ZC3H12A: variants seen among roughly 807,000 people sequenced by gnomAD.
ZC3H12A encodes the protein zinc finger CCCH-type containing 12A.
ZC3H12A carries 9 observed loss-of-function variants against 29.9 expected under a neutral mutation model. That is an observed-to-expected ratio of 0.30 (90% CI 0.18 to 0.53). The LOEUF is 0.53. Among genes scored for constraint, ZC3H12A ranks in the 20% least tolerant of loss-of-function variants. The probability of loss-of-function intolerance (pLI) is 0.96; values close to 1 mark genes in which losing one functional copy is unlikely to be tolerated. For missense variants in ZC3H12A, 617 were observed against 799.0 expected (o/e 0.77, Z 2.75); for synonymous variants, 323 against 338.1 (o/e 0.96, Z 0.49).
intron 3 of ZC3H12A, among the ~76,000 whole-genome samples, chr1:37,481,199 C>A (rs1192797996): frequency 6.6e-6 from 1 of 152,212 alleles, no homozygotes; most frequent in Non-Finnish European, 1.5e-5. Context: ...CCTGGCAATG[C>A]AAGGGACAGA....
chr1:37,481,669 G>A lies in ZC3H12A; in HGVS notation c.652G>A (p.Gly218Ser), dbSNP rs576508646. Residue 218 changes from glycine (G) to serine (S), a missense_variant, in exon 4 of 6, where the codon GGC becomes AGC. Gly to Ser is a moderately conservative substitution (Grantham distance 56). Transcript: ENST00000373087. ...LVFTPSRRVGGKRVVCYDDRF... is the reference protein window; with the variant it reads ...LVFTPSRRVGSKRVVCYDDRF... ...GTTCACACCATCACGACGCGTGGGTGGCAAGCGGGTGGTGTGCTATGACGA... is the reference window on the plus strand; with the variant it reads ...GTTCACACCATCACGACGCGTGGGTAGCAAGCGGGTGGTGTGCTATGACGA... 133 of 1,614,268 alleles carry A rather than the reference G, an allele frequency of 8.2e-5. 1 individual carries two copies. In the South Asian group the frequency reaches 1.4e-3, roughly 18 times the overall value.
chr1:37,476,126 G>T lies in ZC3H12A; in HGVS notation c.443+187G>T, dbSNP rs555548240. On this transcript the variant is annotated intron_variant, in intron 2 of 5. Coordinates refer to ENST00000373087, the MANE Select transcript of ZC3H12A (RefSeq NM_025079.3). The surrounding 1 kb of genome is among the most constrained non-coding windows in gnomAD (Gnocchi z 6.0). ...GTCGCGCTACTGGTAAGTGACAGAG[G>T]CAGGGTTCCAGCCCAGGTCCCTCTG... 3.9e-5 allele frequency among the ~76,000 whole-genome samples: 6 copies of T among 152,170 alleles called. No homozygotes were observed. The highest frequency in any genetic ancestry group is 8.8e-5 in the Non-Finnish European group (6 of 68,028).
At chr1:37,482,394 A>C in intron 4 of ZC3H12A, 40 bp from the exon 5 acceptor site, 1 of 1,549,950 alleles carries the variant, frequency 6.5e-7, no homozygotes, top group South Asian at 1.2e-5. Flanking sequence ...AAGTCCCTGC[A>C]TGGCTCCCAC....
Position 37,479,949 on chromosome 1 carries a change from T to A in ZC3H12A, c.444-341T>A, listed in dbSNP as rs1201376189. ...AGGTGTGTTGCAAGTGGCCTGGCCC[T>A]CCCCCACCGTGGGGAGCAGTGCTGC... On this transcript the variant is annotated intron_variant, in intron 2 of 5. Coordinates refer to ENST00000373087, the MANE Select transcript of ZC3H12A (RefSeq NM_025079.3). The surrounding 1 kb of genome is among the most constrained non-coding windows in gnomAD (Gnocchi z 4.5). 9.4e-7 allele frequency: 1 copy of A among 1,059,388 alleles called. No homozygotes were observed. The highest frequency in any genetic ancestry group is 1.1e-6 in the Non-Finnish European group (1 of 874,952). The allele number at this position is 1,059,388 out of a possible 1,614,324, so 65.6% of individuals were successfully genotyped here. A position where few individuals can be genotyped will look rare whatever the true frequency, so the allele number is the denominator to read the frequency against.
Position 37,480,449 on chromosome 1 carries a change from G to A in ZC3H12A, c.583+20G>A, listed in dbSNP as rs1641680514. On this transcript the variant is annotated intron_variant, in intron 3 of 5. Coordinates refer to ENST00000373087, the MANE Select transcript of ZC3H12A (RefSeq NM_025079.3). ...TCACAGGTGAGTGGTGCCTCTGGAGGTGGGATGGTCTTACTGCCCCAGCAG... is the reference window on the plus strand; with the variant it reads ...TCACAGGTGAGTGGTGCCTCTGGAGATGGGATGGTCTTACTGCCCCAGCAG... 1.2e-6 allele frequency: 2 copies of A among 1,605,968 alleles called. No individual in the cohort carries two copies. The highest frequency in any genetic ancestry group is 1.7e-6 in the Non-Finnish European group (2 of 1,175,044).
rs370210827 is a variant in ZC3H12A, at chr1:37,479,640, G to T, written c.444-650G>T. 1 of 985,266 alleles carries T rather than the reference G, an allele frequency of 1.0e-6. No homozygotes were observed. Among genetic ancestry groups the T allele is most frequent in the Admixed American group, 6.2e-5 (1 of 16,252 alleles). The allele number at this position is 985,266 out of a possible 1,614,324, so 61.0% of individuals were successfully genotyped here. On this transcript the variant is annotated intron_variant, in intron 2 of 5. Coordinates refer to ENST00000373087, the MANE Select transcript of ZC3H12A (RefSeq NM_025079.3). The surrounding 1 kb of genome is among the most constrained non-coding windows in gnomAD (Gnocchi z 4.5). ...GCTCCTGGGGAACTTGCTTCACTCC[G>T]GCGCTTTCTGTCCCATGCTGAAGGC...
In ZC3H12A at chr1:37,482,912, G is replaced by C; in HGVS notation, c.1101G>C (p.Leu367=). The C allele has an allele frequency of 6.2e-7, 1 of 1,613,780 alleles. No homozygotes were observed. ...CACCTTCATCCCAGTCCAGCTCTCT[G>C]CTAACAGAGAGTGAGCAGTGCAGCC... is the stretch of plus-strand genomic sequence containing the variant. ...RPSPSSQSSS[L]LTESEQCSLD... is the part of the protein sequence containing the mutation. The change falls in exon 6 of 6, where the codon CTG becomes CTC. Residue 367 remains leucine (L), a synonymous_variant. Coordinates refer to ENST00000373087, the MANE Select transcript of ZC3H12A (RefSeq NM_025079.3).
In ZC3H12A at chr1:37,483,508, C is replaced by A. The variant is rs1375136881; in HGVS notation, c.1697C>A (p.Pro566Gln). 2.5e-6 allele frequency: 4 copies of A among 1,613,810 alleles called. No individual in the cohort carries two copies. The highest frequency in any genetic ancestry group is 1.7e-5 in the Admixed American group (1 of 60,010). ...VYTKLCGVFP[P>Q]HLVEAVMGRF... ...ACTAAGCTGTGTGGTGTGTTTCCCC[C>A]GCACCTGGTGGAGGCTGTGATGGGG... Residue 566 changes from proline (P) to glutamine (Q), a missense_variant, in exon 6 of 6, where the codon CCG (proline) becomes CAG (glutamine). Coordinates refer to ENST00000373087, the MANE Select transcript of ZC3H12A (RefSeq NM_025079.3).
chr1:37,482,250 G>A (rs762094356), intron 4 of ZC3H12A, 184 bp from the exon 5 acceptor site: 9 of 610,060 alleles, frequency 1.5e-5, no homozygotes, highest in Non-Finnish European at 2.0e-5. Flanking sequence ...CTAGACCGGG[G>A]ATCCCTTTCT....
At position 37,475,313 on chromosome 1, in the gene ZC3H12A, C is replaced by A; in HGVS notation, c.-38-146C>A. 1 of 650,770 alleles carries A rather than the reference C, an allele frequency of 1.5e-6. No homozygotes were observed. Among genetic ancestry groups the A allele is most frequent in the Non-Finnish European group, 2.6e-6 (1 of 384,662 alleles). The allele number at this position is 650,770 out of a possible 1,614,324, so 40.3% of individuals were successfully genotyped here. On this transcript the variant is annotated intron_variant, in intron 1 of 5. Transcript: ENST00000373087. This position sits in a 1 kb window ranked among gnomAD's most constrained non-coding sequence, Gnocchi z 5.2. The stretch of plus-strand genomic sequence containing the variant: ...ATAGAATGGGAATGGGAATGCCTAG[C>A]TGGGAGAGCTTTTGAGAGGACAACC...
rs746760598 is a variant in ZC3H12A at position 37,481,624 on chromosome 1, GAGA to G, written c.617_619del (p.Lys206del). On this transcript the variant is annotated inframe_deletion, in exon 4 of 6. Transcript: ENST00000373087. Reference sequence around the variant, plus strand: ...AGACCAGCACATCCTGCGGGAACTGGAGAAGAAGAAGATCCTGGTGTTCACACC... The same window carrying G: ...AGACCAGCACATCCTGCGGGAACTGGAGAAGAAGATCCTGGTGTTCACACC... 7.4e-6 allele frequency: 12 copies of G among 1,614,110 alleles called. No individual in the cohort carries two copies. The highest frequency in any genetic ancestry group is 1.1e-5 in the South Asian group (1 of 91,086).
chr1:37,484,303 T>C lies in ZC3H12A; in HGVS notation c.*692T>C, dbSNP rs1641782768. 1 of 152,222 alleles carries C rather than the reference T, an allele frequency of 6.6e-6. No individual in the cohort carries two copies. The allele number at this position is 152,222 out of a possible 1,614,324, so 9.4% of individuals were successfully genotyped here. ...TGTTTGTTTGTGTGCACATGTAAAT[T>C]TTAAATATTTTAAGCAGAAAGTCCT... On this transcript the variant is annotated 3_prime_UTR_variant, in exon 6 of 6. Coordinates refer to ENST00000373087, the MANE Select transcript of ZC3H12A (RefSeq NM_025079.3).
At position 37,483,754 on chromosome 1, in the gene ZC3H12A, C is replaced by A; in HGVS notation, c.*143C>A. ...GAGGATTCAAGTCGGGAAGGAAACCCACAAACCAAAGATACTGTAGGATTG... is the reference window on the plus strand; with the variant it reads ...GAGGATTCAAGTCGGGAAGGAAACCAACAAACCAAAGATACTGTAGGATTG... On this transcript the variant is annotated 3_prime_UTR_variant, in exon 6 of 6. Transcript: ENST00000373087. 8.7e-7 allele frequency: 1 copy of A among 1,147,304 alleles called. No homozygotes were observed. Among genetic ancestry groups the A allele is most frequent in the Non-Finnish European group, 1.2e-6 (1 of 835,620 alleles). The allele number at this position is 1,147,304 out of a possible 1,614,324, so 71.1% of individuals were successfully genotyped here. A position where few individuals can be genotyped will look rare whatever the true frequency, so the allele number is the denominator to read the frequency against.
chr1:37,476,009 A>T lies in ZC3H12A; in HGVS notation c.443+70A>T. 1 of 1,396,484 alleles carries T rather than the reference A, an allele frequency of 7.2e-7. No individual in the cohort carries two copies. The highest frequency in any genetic ancestry group is 2.5e-5 in the East Asian group (1 of 40,596). The allele number at this position is 1,396,484 out of a possible 1,614,324, so 86.5% of individuals were successfully genotyped here. A position where few individuals can be genotyped will look rare whatever the true frequency, so the allele number is the denominator to read the frequency against. ...TCCTGTGGCCAGGACACATGGAAGG[A>T]TGACTGTCTCTGCAGCTCTGGTGGG... On this transcript the variant is annotated intron_variant, in intron 2 of 5. Coordinates refer to ENST00000373087, the MANE Select transcript of ZC3H12A (RefSeq NM_025079.3). This position sits in a 1 kb window ranked among gnomAD's most constrained non-coding sequence, Gnocchi z 6.0.
At position 37,484,007 on chromosome 1, in the gene ZC3H12A, CT is replaced by C. The variant is rs1641774866; in HGVS notation, c.*397del. The stretch of plus-strand genomic sequence containing the variant: ...ACGCCACCCCACTTCCGCCCTACCC[CT>C]GGGACGTTGGCCTTGGCTGGCTAGT... On this transcript the variant is annotated 3_prime_UTR_variant, in exon 6 of 6. Coordinates refer to ENST00000373087, the MANE Select transcript of ZC3H12A (RefSeq NM_025079.3). The C allele has an allele frequency of 5.4e-6, 1 of 183,710 alleles. No individual in the cohort carries two copies. The highest frequency in any genetic ancestry group is 1.1e-5 in the Non-Finnish European group (1 of 87,388). The allele number at this position is 183,710 out of a possible 1,614,324, so 11.4% of individuals were successfully genotyped here.
rs758070598 is a variant in ZC3H12A at position 37,483,085 on chromosome 1, T to C, written c.1274T>C (p.Leu425Pro). Residue 425 changes from leucine (L) to proline (P), a missense_variant, in exon 6 of 6, where the codon CTG (leucine) becomes CCG (proline). Leu to Pro is a moderately conservative substitution (Grantham distance 98, BLOSUM62 -3). Coordinates refer to ENST00000373087, the MANE Select transcript of ZC3H12A (RefSeq NM_025079.3). The stretch of plus-strand genomic sequence containing the variant: ...CCCACAGACTGGCTCCCACAGACGC[T>C]GGACTCACTCCCGTACGTCTCCCAG... ...FGPTDWLPQT[L>P]DSLPYVSQDC... 3.1e-6 allele frequency: 5 copies of C among 1,611,780 alleles called. No homozygotes were observed. In the African/African-American group the frequency reaches 4.0e-5, roughly 13 times the overall value.
At position 37,483,671 on chromosome 1, in the gene ZC3H12A, T is replaced by C; in HGVS notation, c.*60T>C. 1 of 1,496,978 alleles carries C rather than the reference T, an allele frequency of 6.7e-7. No individual in the cohort carries two copies. The highest frequency in any genetic ancestry group is 1.3e-5 in the South Asian group (1 of 75,752). The allele number at this position is 1,496,978 out of a possible 1,614,324, so 92.7% of individuals were successfully genotyped here. A position where few individuals can be genotyped will look rare whatever the true frequency, so the allele number is the denominator to read the frequency against. ...CTCCAAGGGCCGTCAGGCTGGGCTT[T>C]GGGCCATTGAGCAGCCCATTCCCAG... On this transcript the variant is annotated 3_prime_UTR_variant, in exon 6 of 6. Transcript: ENST00000373087.
Position 37,479,472 on chromosome 1 carries a change from A to AG in ZC3H12A, c.444-815dup, listed in dbSNP as rs1049431915. 7 of 985,306 alleles carry AG rather than the reference A, an allele frequency of 7.1e-6. No homozygotes were observed. The African/African-American group carries it at 1.0e-4, about 15-fold the overall frequency. The allele number at this position is 985,306 out of a possible 1,614,324, so 61.0% of individuals were successfully genotyped here. On this transcript the variant is annotated intron_variant, in intron 2 of 5. Coordinates refer to ENST00000373087, the MANE Select transcript of ZC3H12A (RefSeq NM_025079.3). The surrounding 1 kb of genome is among the most constrained non-coding windows in gnomAD (Gnocchi z 4.5). ...GCGCGGCCTCGTCTGAGACCAAGGC[A>AG]GGGCCCATGCCTTACTCAGCTGTCC...
chr1:37,477,729 C>G (rs1641619587), intron 2 of ZC3H12A, among the ~76,000 whole-genome samples: 1 of 152,180 alleles, frequency 6.6e-6, no homozygotes, highest in African/African-American at 2.4e-5. Context: ...CCTGACCTTA[C>G]AGGCAAAGAG....
Sources: allele counts gnomAD v4.1 joint callset (sites outside exome capture counted in the v4.1 genomes callset), GRCh38; gene constraint gnomAD v4.1.1; non-coding constraint Gnocchi (gnomAD v3.1); transcripts MANE v1.5; gene names NCBI Gene and HGNC (gene_info 2026-07-23, HGNC 2026-07-21).